ADAMTSL3: variants seen among roughly 807,000 people sequenced by gnomAD.
The protein encoded by ADAMTSL3 is ADAMTS-like protein 3.
In ADAMTSL3, 128 loss-of-function variants were observed where a neutral mutation model predicts 201.7. That is an observed-to-expected ratio of 0.63 (90% CI 0.55 to 0.73). The LOEUF (loss-of-function observed/expected upper bound fraction) is 0.73. ADAMTSL3 is among the 30% of genes least tolerant of loss of function. The probability of loss-of-function intolerance (pLI) is 0.00; values close to 1 mark genes in which losing one functional copy is unlikely to be tolerated. For missense variants in ADAMTSL3, 1,990 were observed against 2,119.6 expected (o/e 0.94, Z 1.20); for synonymous variants, 738 against 748.4 (o/e 0.99, Z 0.23).
At chr15:83,977,265 A>C (rs1264338973) in intron 20 of ADAMTSL3, among the ~76,000 whole-genome samples, 1 of 151,390 alleles carries the variant, frequency 6.6e-6, no homozygotes, top group African/African-American at 2.5e-5. Flanking sequence ...CCCCACCCCG[A>C]CAACTGGTTT....
In ADAMTSL3 at chr15:84,038,136, A is replaced by G. The variant is rs1179040597; in HGVS notation, c.*330A>G. ...TCACGTGCTGCCTCTTTCCTGTGATATGTAGACTAGCACAGAGTGGTACAT... is the reference window on the plus strand; with the variant it reads ...TCACGTGCTGCCTCTTTCCTGTGATGTGTAGACTAGCACAGAGTGGTACAT... On this transcript the variant is annotated 3_prime_UTR_variant, in exon 30 of 30. Coordinates refer to ENST00000286744, the MANE Select transcript of ADAMTSL3 (RefSeq NM_207517.3). 3.7e-6 allele frequency: 1 copy of G among 268,718 alleles called. No homozygotes were observed. Among genetic ancestry groups the G allele is most frequent in the East Asian group, 7.9e-5 (1 of 12,736 alleles). 16.6% of individuals were successfully genotyped at this position (268,718 alleles called of 1,614,324 possible). A position where few individuals can be genotyped will look rare whatever the true frequency, so the allele number is the denominator to read the frequency against.
intron 7 of ADAMTSL3, among the ~76,000 whole-genome samples, chr15:83,850,668 G>A (rs2141741268): frequency 6.6e-6 from 1 of 152,110 alleles, no homozygotes; most frequent in East Asian, 1.9e-4. Flanking sequence ...ACAGCTTCCT[G>A]TGCCAGCTAC....
chr15:83,804,196 T>G (rs1198117091), intron 4 of ADAMTSL3, among the ~76,000 whole-genome samples: 1 of 152,182 alleles, frequency 6.6e-6, no homozygotes, highest in East Asian at 1.9e-4. Flanking sequence ...ACTGTTGTAC[T>G]AATTAAAGGA....
intron 3 of ADAMTSL3, among the ~76,000 whole-genome samples, chr15:83,753,217 C>T (rs2062666353): frequency 6.6e-6 from 1 of 152,158 alleles, no homozygotes; most frequent in Non-Finnish European, 1.5e-5. Context: ...CATTATTAAC[C>T]TAACCAGGGA....
intron 19 of ADAMTSL3, among the ~76,000 whole-genome samples, chr15:83,962,919 G>A (rs1444246482): frequency 3.3e-5 from 5 of 152,150 alleles, no homozygotes; most frequent in African/African-American, 1.2e-4. Flanking sequence ...AAGAGGTCAG[G>A]GAACTCCCTC....
intron 19 of ADAMTSL3, among the ~76,000 whole-genome samples, chr15:83,969,347 G>A (rs984043244): frequency 6.6e-6 from 1 of 152,140 alleles, no homozygotes; most frequent in Admixed American, 6.5e-5. Flanking sequence ...GGGAGGCTGA[G>A]GCAGGAGAAT....
chr15:83,801,032 G>A (rs947310942), intron 4 of ADAMTSL3, among the ~76,000 whole-genome samples: 1 of 152,088 alleles, frequency 6.6e-6, no homozygotes, highest in Non-Finnish European at 1.5e-5. Flanking sequence ...CTCCACACCA[G>A]TACATTTTTT....
At position 83,704,408 on chromosome 15, in the gene ADAMTSL3, C is replaced by T. The variant is rs773756963; in HGVS notation, c.89C>T (p.Pro30Leu). ...TTTCAGACCACAGCTGAGAAATCTC[C>T]TGGAGCCTATTTCCTTCCCGAGTTT... ...PLPQTTAEKS[P>L]GAYFLPEFAL... Residue 30 changes from proline (P) to leucine (L), a missense_variant, in exon 3 of 30, where the codon CCT (proline) becomes CTT (leucine). Physicochemically the swap from Pro to Leu is moderately conservative, Grantham distance 98. Transcript: ENST00000286744. 1 of 1,614,184 alleles carries T rather than the reference C, an allele frequency of 6.2e-7. No individual in the cohort carries two copies. The highest frequency in any genetic ancestry group is 8.5e-7 in the Non-Finnish European group (1 of 1,180,032).
intron 7 of ADAMTSL3, among the ~76,000 whole-genome samples, chr15:83,856,653 C>T (rs571401984): frequency 2.0e-5 from 3 of 152,268 alleles, no homozygotes; most frequent in South Asian, 4.2e-4. Flanking sequence ...GTATGATCTT[C>T]ACTACCATGA....
intron 8 of ADAMTSL3, among the ~76,000 whole-genome samples, chr15:83,865,233 T>A (rs2064950142): frequency 6.6e-6 from 1 of 151,928 alleles, no homozygotes; most frequent in Non-Finnish European, 1.5e-5. Context: ...AAGCTACCAA[T>A]GACTTTCTTC....
chr15:83,740,484 A>T (rs1270449508), intron 3 of ADAMTSL3, among the ~76,000 whole-genome samples: 1 of 152,200 alleles, frequency 6.6e-6, no homozygotes, highest in Non-Finnish European at 1.5e-5. Flanking sequence ...GCATATCAAA[A>T]CTCATTGGAT....
chr15:83,726,700 A>G (rs565077360), intron 3 of ADAMTSL3, among the ~76,000 whole-genome samples: 1 of 152,122 alleles, frequency 6.6e-6, no homozygotes, highest in South Asian at 2.1e-4. Flanking sequence ...TGTCACATTG[A>G]TTTGCATATG....
chr15:83,673,480 G>T (rs894127455), intron 2 of ADAMTSL3, among the ~76,000 whole-genome samples: 9 of 151,976 alleles, frequency 5.9e-5, no homozygotes, highest in Non-Finnish European at 7.4e-5. Context: ...TCATTGCTGG[G>T]TTTTTTTTCT....
intron 20 of ADAMTSL3, among the ~76,000 whole-genome samples, chr15:83,976,836 C>T (rs189211512): frequency 9.5e-4 from 145 of 152,202 alleles, no homozygotes; most frequent in Non-Finnish European, 1.6e-3. Flanking sequence ...ACAGGGGGTT[C>T]GGTGGTTGGG....
intron 4 of ADAMTSL3, among the ~76,000 whole-genome samples, chr15:83,791,122 A>G (rs138094850): frequency 1.1e-4 from 17 of 152,196 alleles, no homozygotes; most frequent in African/African-American, 4.1e-4. Context: ...TTCCACATTC[A>G]TAGATTGGAA....
Position 83,942,605 on chromosome 15 carries a change from G to A in ADAMTSL3, c.2127G>A (p.Val709=), listed in dbSNP as rs2066581340. The change falls in exon 18 of 30, where the codon GTG becomes GTA. Residue 709 remains valine (V), a synonymous_variant. Coordinates refer to ENST00000286744, the MANE Select transcript of ADAMTSL3 (RefSeq NM_207517.3). The stretch of plus-strand genomic sequence containing the variant: ...TTGTTTTCTGTTTTAGGTGGCATGT[G>A]GGCTCTTGGGGGCCCTGCTCAGCTA... ...NTEPCPPRWH[V]GSWGPCSATC... is the part of the protein sequence containing the mutation. The A allele has an allele frequency of 6.2e-7, 1 of 1,612,424 alleles. No individual in the cohort carries two copies. The highest frequency in any genetic ancestry group is 1.3e-5 in the African/African-American group (1 of 74,882).
chr15:83,949,481 A>G (rs964785047), intron 19 of ADAMTSL3, among the ~76,000 whole-genome samples: 1 of 152,124 alleles, frequency 6.6e-6, no homozygotes, highest in African/African-American at 2.4e-5. Flanking sequence ...GGGATTATAG[A>G]TAGCTCTTTA....
At chr15:83,989,039 C>T (rs1469663142) in intron 22 of ADAMTSL3, among the ~76,000 whole-genome samples, 3 of 151,800 alleles carry the variant, frequency 2.0e-5, no homozygotes, top group Non-Finnish European at 4.4e-5. Context: ...CCCGCCACCA[C>T]GCCCGGCTAA....
chr15:83,870,544 C>T (rs1366797886), intron 8 of ADAMTSL3, among the ~76,000 whole-genome samples: 1 of 152,134 alleles, frequency 6.6e-6, no homozygotes, highest in African/African-American at 2.4e-5. Flanking sequence ...AAAGTTTTCT[C>T]TTTCCCCTTA....
Sources: gnomAD v4.1 joint callset for allele counts (sites outside exome capture counted in the v4.1 genomes callset) on GRCh38, gnomAD v4.1.1 for gene constraint, MANE v1.5 for transcripts, NCBI Gene and HGNC (gene_info 2026-07-23, HGNC 2026-07-21) for gene names.